The following FCRL5 variants were observed in gnomAD, a reference collection of about 807,000 sequenced individuals.
FCRL5 encodes the protein Fc receptor like 5.
Under a neutral mutation model 92.1 loss-of-function variants are expected in FCRL5, and 79 were observed. The observed-to-expected ratio is 0.86, with a 90% CI of 0.72 to 1.03. FCRL5 has a LOEUF of 1.03. Ranked by LOEUF, FCRL5 falls within the 50% of genes least tolerant of loss-of-function variation. The pLI is 0.00. For synonymous variants in FCRL5, 466 were observed against 469.3 expected (o/e 0.99, Z 0.09); for missense variants, 1,160 against 1,181.1 (o/e 0.98, Z 0.26).
At position 157,544,423 on chromosome 1, in the gene FCRL5, A is replaced by G; in HGVS notation, c.683T>C (p.Phe228Ser). The G allele has an allele frequency of 6.2e-7, 1 of 1,614,206 alleles. No homozygotes were observed. Among genetic ancestry groups the G allele is most frequent in the Non-Finnish European group, 8.5e-7 (1 of 1,180,042 alleles). Residue 228 changes from phenylalanine (F) to serine (S), a missense_variant, in exon 5 of 17, where the codon TTC becomes TCC. By Grantham distance (155) the Phe-to-Ser change is radical. Transcript: ENST00000361835. ...ERSDVPLRFR[F>S]FRDDQTLGLG... Reference sequence around the variant, plus strand: ...TCCCAGGGTCTGGTCATCTCTGAAGAAGCGGAACCGGAGCGGGACATCTGA... The same window carrying G: ...TCCCAGGGTCTGGTCATCTCTGAAGGAGCGGAACCGGAGCGGGACATCTGA...
rs1366762937 is a variant in FCRL5 at position 157,543,139 on chromosome 1, T to A, written c.845-2A>T. On this transcript the variant is annotated splice_acceptor_variant, in intron 5 of 16. Coordinates refer to ENST00000361835, the MANE Select transcript of FCRL5 (RefSeq NM_031281.3). LOFTEE classifies it high-confidence loss of function. ...TGAGGACAGGATGAGATGCAGGGAC[T>A]GAGCAAGAGAAAAAATTAGTCAAGA... 2 of 1,610,404 alleles carry A rather than the reference T, an allele frequency of 1.2e-6. No homozygotes were observed. Among genetic ancestry groups the A allele is most frequent in the South Asian group, 2.2e-5 (2 of 90,832 alleles).
At chr1:157,542,023 A>C (rs1424856182) in intron 6 of FCRL5, 1 of 154,482 alleles carries the variant, frequency 6.5e-6, no homozygotes, top group Non-Finnish European at 1.4e-5. Context: ...TCACACATCC[A>C]TGTGGGAGGG....
chr1:157,535,734 A>C (rs1486639755), intron 7 of FCRL5, among the ~76,000 whole-genome samples: 3 of 152,170 alleles, frequency 2.0e-5, no homozygotes, highest in Non-Finnish European at 2.9e-5. Flanking sequence ...ATCTATATGT[A>C]TAAAGACACT....
At chr1:157,518,346 C>T in intron 15 of FCRL5, 83 bp downstream of exon 15, 1 of 1,244,590 alleles carries the variant, frequency 8.0e-7, no homozygotes, top group Non-Finnish European at 1.2e-6. Flanking sequence ...GCCTGTCTGG[C>T]TCAGATCTGC....
At chr1:157,543,225 G>A (rs1250849558) in intron 5 of FCRL5, 88 bp from the exon 6 acceptor site, 3 of 1,322,530 alleles carry the variant, frequency 2.3e-6, no homozygotes, top group Non-Finnish European at 3.1e-6. Flanking sequence ...CCAGTCTCCA[G>A]TCTCCACCCT....
intron 9 of FCRL5, among the ~76,000 whole-genome samples, chr1:157,525,875 T>A (rs1399781370): frequency 6.6e-6 from 1 of 152,226 alleles, no homozygotes; most frequent in Non-Finnish European, 1.5e-5. Flanking sequence ...AGTTCAGTTT[T>A]AGAAATGCTC....
chr1:157,520,526 C>T lies in FCRL5; in HGVS notation c.2537G>A (p.Gly846Asp), dbSNP rs759163396. 8.2e-6 allele frequency: 13 copies of T among 1,581,802 alleles called. No homozygotes were observed. Among genetic ancestry groups the T allele is most frequent in the Non-Finnish European group, 1.0e-5 (12 of 1,163,972 alleles). Reference protein sequence around the residue: ...YITGLTANRSGPFATGVAGGL... With the variant: ...YITGLTANRSDPFATGVAGGL... ...CCCGGCGACTCCTGTGGCAAAAGGG[C>T]CACTTCTGTTCGCGGTCAGCCCTGA... Residue 846 changes from glycine to aspartate, a missense_variant, in exon 12 of 17, where the codon GGC (glycine) becomes GAC (aspartate). Physicochemically the swap from Gly to Asp is moderately conservative, Grantham distance 94. Coordinates refer to ENST00000361835, the MANE Select transcript of FCRL5 (RefSeq NM_031281.3).
rs1041571 is a variant in FCRL5, at chr1:157,545,367, C to A, written c.308-285G>T. 6.9e-3 allele frequency among the ~76,000 whole-genome samples: 1,050 copies of A among 152,110 alleles called. 6 individuals are homozygous for A. The highest frequency in any genetic ancestry group is 0.02 in the Middle Eastern group (6 of 294). On this transcript the variant is annotated intron_variant, in intron 3 of 16. Coordinates refer to ENST00000361835, the MANE Select transcript of FCRL5 (RefSeq NM_031281.3). ...AAGTACTTGGAGCTCATGCGTATTT[C>A]TTTTATGGAATAATATTAATATTTG...
intron 3 of FCRL5, among the ~76,000 whole-genome samples, 199 bp from the exon 4 acceptor site, chr1:157,545,281 C>T: frequency 6.6e-6 from 1 of 152,064 alleles, no homozygotes; most frequent in East Asian, 1.9e-4. Context: ...TAGGTAAAAT[C>T]ACCTACCATC....
intron 8 of FCRL5, chr1:157,528,136 A>G (rs1387345091): frequency 8.3e-6 from 3 of 359,568 alleles, no homozygotes; most frequent in East Asian, 8.8e-5. Context: ...ATACAAAATC[A>G]ATGTACACAA....
chr1:157,532,185 A>ATCATTTG (rs1650727652), intron 8 of FCRL5: 1 of 152,012 alleles, frequency 6.6e-6, no homozygotes, highest in Non-Finnish European at 1.5e-5. Flanking sequence ...TCTTTCCCTG[A>ATCATTTG]TCATTTGTGA....
intron 8 of FCRL5, among the ~76,000 whole-genome samples, chr1:157,529,565 G>C (rs1650593579): frequency 6.7e-6 from 1 of 149,410 alleles, no homozygotes; most frequent in Admixed American, 6.7e-5. Flanking sequence ...ATCAATTAAG[G>C]GGTGGATAAA....
chr1:157,544,849 C>G lies in FCRL5; in HGVS notation c.541G>C (p.Val181Leu). 6.2e-7 allele frequency: 1 copy of G among 1,614,064 alleles called. No individual in the cohort carries two copies. Among genetic ancestry groups the G allele is most frequent in the Non-Finnish European group, 8.5e-7 (1 of 1,180,016 alleles). Reference sequence around the variant, plus strand: ...GCTTTACCTTGGACTTGGATTTTGACTGTATTGGAAGAAACAGGGCAACAA... The same window carrying G: ...GCTTTACCTTGGACTTGGATTTTGAGTGTATTGGAAGAAACAGGGCAACAA... ...ESCCPVSSNT[V>L]KIQVQEPFTR... The change falls in exon 4 of 17, where the codon GTC becomes CTC. Residue 181 changes from valine (V) to leucine (L), a missense_variant. Val to Leu is a conservative substitution (Grantham distance 32, BLOSUM62 1). Transcript: ENST00000361835.
intron 1 of FCRL5, among the ~76,000 whole-genome samples, chr1:157,551,949 C>T (rs1651837574): frequency 6.6e-6 from 1 of 152,082 alleles, no homozygotes; most frequent in Non-Finnish European, 1.5e-5. Flanking sequence ...AGGATCTGGC[C>T]TTGTCATACA....
chr1:157,522,898 G>A (rs1408476102), intron 10 of FCRL5: 2 of 152,278 alleles, frequency 1.3e-5, no homozygotes, highest in Admixed American at 6.5e-5. Flanking sequence ...CTCGGTCCGT[G>A]GTACATGCCT....
Position 157,515,445 on chromosome 1 carries a change from G to A in FCRL5, c.*230C>T. The A allele has an allele frequency of 5.3e-6, 4 of 751,866 alleles. No individual in the cohort carries two copies. The highest frequency in any genetic ancestry group is 8.3e-6 in the Non-Finnish European group (4 of 479,264). 46.6% of individuals were successfully genotyped at this position (751,866 alleles called of 1,614,324 possible). A position where few individuals can be genotyped will look rare whatever the true frequency, so the allele number is the denominator to read the frequency against. ...AGATGTGCTGGGCCCTGGAGTGGGA[G>A]CACCTTGCCACTGGATTAAAAAACC... is the stretch of plus-strand genomic sequence containing the variant. On this transcript the variant is annotated 3_prime_UTR_variant, in exon 17 of 17. Transcript: ENST00000361835.
At chr1:157,535,960 G>GTTTTTTTTTTTTTTTTTTTT (rs1650951828) in intron 7 of FCRL5, among the ~76,000 whole-genome samples, 1 of 7,432 alleles carries the variant, frequency 1.3e-4, no homozygotes. Flanking sequence ...TTTTTTTTTT[G>GTTTTTTTTTTTTTTTTTTTT]AGATGGAGTC....
Position 157,549,584 on chromosome 1 carries a change from C to T in FCRL5, c.32-4G>A, listed in dbSNP as rs1553274268. 1 of 1,610,436 alleles carries T rather than the reference C, an allele frequency of 6.2e-7. No individual in the cohort carries two copies. Among genetic ancestry groups the T allele is most frequent in the East Asian group, 2.2e-5 (1 of 44,740 alleles). On this transcript the variant is annotated splice_polypyrimidine_tract_variant and splice_region_variant and intron_variant, in intron 1 of 16. Coordinates refer to ENST00000361835, the MANE Select transcript of FCRL5 (RefSeq NM_031281.3). ...CCAAACTGTCCACTGACAGGAGCTG[C>T]AAAAAAATAAGAGCCAGAGATGAGC...
Position 157,539,213 on chromosome 1 carries a change from C to A in FCRL5, c.1275G>T (p.Ser425=), listed in dbSNP as rs372913718. 1.9e-6 allele frequency: 3 copies of A among 1,614,128 alleles called. No homozygotes were observed. Among genetic ancestry groups the A allele is most frequent in the East Asian group, 4.5e-5 (2 of 44,868 alleles). Residue 425 remains serine, a synonymous_variant, in exon 7 of 17, where the codon TCG becomes TCT. Transcript: ENST00000361835. ...TGGCCACTCCTCCTGCAGAGTTGGC[C>A]GACCTACGCTCCAGGGCAGCACCCT... is the stretch of plus-strand genomic sequence containing the variant. ...HHEGAALERR[S]ANSAGGVAIS... is the part of the protein sequence containing the mutation.
Sources: gnomAD v4.1 joint callset for allele counts (sites outside exome capture counted in the v4.1 genomes callset) on GRCh38, gnomAD v4.1.1 for gene constraint, MANE v1.5 for transcripts, NCBI Gene and HGNC (gene_info 2026-07-23, HGNC 2026-07-21) for gene names.